SOX5: variants seen among roughly 807,000 people sequenced by gnomAD.
SOX5 encodes the protein SRY-box transcription factor 5, also known as transcription factor SOX-5.
Under a neutral mutation model 92.0 loss-of-function variants are expected in SOX5, and 9 were observed. That is an observed-to-expected ratio of 0.10 (90% CI 0.06 to 0.17). The LOEUF is 0.17. Among genes scored for constraint, SOX5 ranks in the 10% least tolerant of loss-of-function variants. The probability of loss-of-function intolerance (pLI) is 1.00; values close to 1 mark genes in which losing one functional copy is unlikely to be tolerated. For missense variants in SOX5, 642 were observed against 944.5 expected, an observed-to-expected ratio of 0.68 and a Z score of 4.20; for synonymous variants, 344 against 336.3, an observed-to-expected ratio of 1.02 and a Z score of -0.25.
At chr12:23,948,535 T>C (rs1944986451) in intron 1 of SOX5, among the ~76,000 whole-genome samples, 1 of 151,790 alleles carries the variant, frequency 6.6e-6, no homozygotes, top group Non-Finnish European at 1.5e-5. Context: ...CAAATGTTTA[T>C]ACAGAAGGTA....
At chr12:24,174,013 T>TC (rs967395352) in intron 4 of SOX5, among the ~76,000 whole-genome samples, 35 of 152,070 alleles carry the variant, frequency 2.3e-4, no homozygotes, top group African/African-American at 7.7e-4. Flanking sequence ...TTGTTTTTTT[T>TC]TTCTGAGACA....
At chr12:24,256,791 C>T (rs185678537) in intron 3 of SOX5, among the ~76,000 whole-genome samples, 6 of 152,310 alleles carry the variant, frequency 3.9e-5, no homozygotes, top group South Asian at 4.1e-4. Context: ...CATAAACCGA[C>T]GAAAACTGCC....
chr12:24,383,299 G>T (rs1450593627), intron 1 of SOX5, among the ~76,000 whole-genome samples: 12 of 152,166 alleles, frequency 7.9e-5, no homozygotes, highest in Admixed American at 7.9e-4. Flanking sequence ...CTACCTTTAT[G>T]TAACGATTTG....
chr12:24,346,644 G>A (rs551053547), intron 2 of SOX5, among the ~76,000 whole-genome samples: 9 of 152,038 alleles, frequency 5.9e-5, no homozygotes, highest in Admixed American at 5.2e-4. Context: ...GTAGAGACGG[G>A]GCTTCACTAT....
chr12:24,048,183 A>G (rs1340851357), intron 4 of SOX5, among the ~76,000 whole-genome samples: 1 of 152,214 alleles, frequency 6.6e-6, no homozygotes, highest in East Asian at 1.9e-4. Flanking sequence ...AGGCAAAATC[A>G]GTGTTATTAC....
chr12:23,680,338 A>AG (rs1274721750), intron 6 of SOX5, among the ~76,000 whole-genome samples: 1 of 150,290 alleles, frequency 6.7e-6, no homozygotes, highest in Admixed American at 6.6e-5. Context: ...AAAAAAAAAA[A>AG]AAAAAAAAAG....
intron 4 of SOX5, among the ~76,000 whole-genome samples, chr12:24,034,867 G>T (rs1442288149): frequency 6.6e-6 from 1 of 152,006 alleles, no homozygotes. Flanking sequence ...TCTTGAAACC[G>T]TACATTTTTG....
intron 4 of SOX5, among the ~76,000 whole-genome samples, chr12:23,989,486 T>G (rs941386199): frequency 6.6e-6 from 1 of 152,100 alleles, no homozygotes; most frequent in Non-Finnish European, 1.5e-5. Context: ...TAAAGTCATC[T>G]AAAAAGGAAC....
chr12:23,778,103 G>A (rs11047093), intron 3 of SOX5, among the ~76,000 whole-genome samples: 2,112 of 152,244 alleles, frequency 0.014, 22 homozygotes, highest in Non-Finnish European at 0.02. Flanking sequence ...AACTTCCTGA[G>A]GTATTTCCAA....
intron 4 of SOX5, among the ~76,000 whole-genome samples, chr12:24,021,818 C>A (rs943365789): frequency 6.6e-6 from 1 of 152,180 alleles, no homozygotes; most frequent in South Asian, 2.1e-4. Context: ...TTTTCAGCCT[C>A]TGCCTTCTTC....
At chr12:23,735,069 C>T (rs1456789752) in intron 5 of SOX5, among the ~76,000 whole-genome samples, 1 of 152,180 alleles carries the variant, frequency 6.6e-6, no homozygotes, top group Non-Finnish European at 1.5e-5. Context: ...CTGCTTCTGA[C>T]ATTTTCAGCC....
chr12:23,757,898 A>C (rs1317199112), intron 3 of SOX5, among the ~76,000 whole-genome samples: 1 of 150,306 alleles, frequency 6.7e-6, no homozygotes, highest in Non-Finnish European at 1.5e-5. Context: ...CAGCAGCCAG[A>C]TTTCTGAAAC....
chr12:24,016,596 T>A (rs1953640860), intron 4 of SOX5, among the ~76,000 whole-genome samples: 1 of 152,074 alleles, frequency 6.6e-6, no homozygotes, highest in African/African-American at 2.4e-5. Context: ...TCTAATGACT[T>A]TGGAGGAAAA....
chr12:24,027,976 G>T (rs923184699), intron 4 of SOX5, among the ~76,000 whole-genome samples: 1 of 151,908 alleles, frequency 6.6e-6, no homozygotes, highest in Non-Finnish European at 1.5e-5. Flanking sequence ...GTTGATCATT[G>T]TGCTCCCTGT....
chr12:23,749,257 G>A (rs75495026), intron 4 of SOX5, among the ~76,000 whole-genome samples: 29 of 151,902 alleles, frequency 1.9e-4, no homozygotes, highest in Admixed American at 4.6e-4. Context: ...ATAGATACCC[G>A]TCAGAAGTTG....
At chr12:24,097,985 C>A (rs1252510799) in intron 4 of SOX5, among the ~76,000 whole-genome samples, 1 of 152,118 alleles carries the variant, frequency 6.6e-6, no homozygotes, top group Non-Finnish European at 1.5e-5. Context: ...TATTCTATGT[C>A]ACATCTATGA....
intron 2 of SOX5, among the ~76,000 whole-genome samples, chr12:23,866,177 G>A (rs934978864): frequency 2.6e-5 from 4 of 152,060 alleles, no homozygotes; most frequent in Non-Finnish European, 5.9e-5. Context: ...ACATACACAT[G>A]TACACTATGG....
chr12:24,536,001 C>A (rs1452394462), intron 1 of SOX5, among the ~76,000 whole-genome samples: 1 of 151,940 alleles, frequency 6.6e-6, no homozygotes, highest in Admixed American at 6.6e-5. Context: ...TTTGTGATAT[C>A]CATTTTGATT....
At chr12:24,478,487 T>TTA (rs1177175190) in intron 1 of SOX5, among the ~76,000 whole-genome samples, 3 of 152,202 alleles carry the variant, frequency 2.0e-5, no homozygotes, top group African/African-American at 7.2e-5. Flanking sequence ...TTCCACCTAC[T>TTA]TAAAGAAAGA....
Sources: gnomAD v4.1 joint callset for allele counts (sites outside exome capture counted in the v4.1 genomes callset) on GRCh38, gnomAD v4.1.1 for gene constraint, MANE v1.5 for transcripts, NCBI Gene and HGNC (gene_info 2026-07-23, HGNC 2026-07-21) for gene names.